Variants in DNAH1 observed in about 807,000 individuals in gnomAD.
DNAH1 encodes dynein axonemal heavy chain 1, also known as axonemal beta dynein heavy chain 1.
Under a neutral mutation model 484.3 loss-of-function variants are expected in DNAH1, and 327 were observed. The ratio of observed to expected loss-of-function variants is 0.68; its 90% CI spans 0.62 to 0.74. DNAH1 has a LOEUF of 0.74. Among genes scored for constraint, DNAH1 ranks in the 30% least tolerant of loss-of-function variants. The pLI is 0.00. For missense variants in DNAH1, 5,052 were observed against 5,546.8 expected (o/e 0.91, Z 2.83); for synonymous variants, 2,192 against 2,191.9 (o/e 1.00, Z 0.00).
chr3:52,391,498 A>G lies in DNAH1; in HGVS notation c.9947A>G (p.Tyr3316Cys). 1 of 1,613,566 alleles carries G rather than the reference A, an allele frequency of 6.2e-7. No homozygotes were observed. The highest frequency in any genetic ancestry group is 8.5e-7 in the Non-Finnish European group (1 of 1,179,710). The change falls in exon 63 of 78, where the codon TAC (tyrosine) becomes TGC (cysteine). Residue 3316 changes from tyrosine to cysteine, a missense_variant. Coordinates refer to ENST00000420323, the MANE Select transcript of DNAH1 (RefSeq NM_015512.5). ...AAGCTGGGGGACACGGTGATCCCCT[A>G]CCATGAGGACTTCAGGATGTACATC... ...VLKLGDTVIP[Y>C]HEDFRMYITT...
intron 44 of DNAH1, chr3:52,374,996 C>T (rs1468641020): frequency 3.9e-6 from 2 of 517,860 alleles, no homozygotes; most frequent in East Asian, 3.7e-5. Context: ...ATTTCACTAA[C>T]GTTGTATATG....
chr3:52,378,389 A>G (rs1000836954), intron 46 of DNAH1, among the ~76,000 whole-genome samples: 1 of 150,724 alleles, frequency 6.6e-6, no homozygotes, highest in African/African-American at 2.4e-5. Flanking sequence ...TGTCAGCATA[A>G]AGATATAAGG....
chr3:52,357,826 T>G, intron 23 of DNAH1, 72 bp from the exon 24 acceptor site: 1 of 1,580,992 alleles, frequency 6.3e-7, no homozygotes, highest in Non-Finnish European at 8.6e-7. Context: ...TGCGGGGATG[T>G]CAGCAGGACT....
intron 60 of DNAH1, 128 bp downstream of exon 60, chr3:52,389,714 TC>T: frequency 9.0e-7 from 1 of 1,114,814 alleles, no homozygotes; most frequent in Non-Finnish European, 1.1e-6. Flanking sequence ...TGCTGAACCC[TC>T]CTGTGCCCAG....
At chr3:52,312,102 G>C (rs1394133992), upstream of DNAH1, among the ~76,000 whole-genome samples, 1 of 152,230 alleles carries the variant, frequency 6.6e-6, no homozygotes, top group Non-Finnish European at 1.5e-5. Flanking sequence ...TAGCAGGGAA[G>C]GCCCTGGGCA....
Position 52,379,067 on chromosome 3 carries a change from G to A in DNAH1, c.7377+287G>A, listed in dbSNP as rs188533945. 5.6e-4 allele frequency among the ~76,000 whole-genome samples: 85 copies of A among 152,330 alleles called. No homozygotes were observed. The highest frequency in any genetic ancestry group is 1.9e-3 in the African/African-American group (78 of 41,576). On this transcript the variant is annotated intron_variant, in intron 47 of 77. Transcript: ENST00000420323. This position sits in a 1 kb window ranked among gnomAD's most constrained non-coding sequence, Gnocchi z 4.4. ...GGCCCTGCATGTGAGAACGCTTGAG[G>A]GACAGTGAGCAGGGTGCCCTCTGGG...
chr3:52,359,780 C>A, intron 26 of DNAH1, 136 bp from the exon 27 acceptor site: 1 of 1,183,714 alleles, frequency 8.4e-7, no homozygotes, highest in Non-Finnish European at 1.2e-6. Context: ...CCGGTCCCTG[C>A]TCCCCTCCCA....
At position 52,326,284 on chromosome 3, in the gene DNAH1, G is replaced by A. The variant is rs201444060; in HGVS notation, c.551G>A (p.Gly184Asp). The change falls in exon 4 of 78, where the codon GGC (glycine) becomes GAC (aspartate). Residue 184 changes from glycine (G) to aspartate (D), a missense_variant. Gly to Asp is a moderately conservative substitution (Grantham distance 94). Coordinates refer to ENST00000420323, the MANE Select transcript of DNAH1 (RefSeq NM_015512.5). ...CAGGTGCCTTTCCAGGTGCTGCCAG[G>A]CCAGCATCCTCGCAAGATTGAGATC... Reference protein sequence around the residue: ...KMQVPFQVLPGQHPRKIEIER... With the variant: ...KMQVPFQVLPDQHPRKIEIER... 11 of 1,610,406 alleles carry A rather than the reference G, an allele frequency of 6.8e-6. No homozygotes were observed. Among genetic ancestry groups the A allele is most frequent in the Non-Finnish European group, 7.6e-6 (9 of 1,179,798 alleles).
Position 52,349,293 on chromosome 3 carries a change from G to A in DNAH1, c.2399G>A (p.Ser800Asn). ...ATCCTGGACAGCTCGCTGCCCAGCA[G>A]CATCATCATTGGGCCTTTCTACATC... ...KEILDSSLPS[S>N]IIIGPFYINT... is the part of the protein sequence containing the mutation. The change falls in exon 14 of 78, where the codon AGC becomes AAC. Residue 800 changes from serine to asparagine, a missense_variant. Ser to Asn is a conservative substitution (Grantham distance 46). This residue lies in a region of DNAH1 where 1,263 missense variants were observed against 1,218.8 expected (regional missense o/e 1.04). Transcript: ENST00000420323. 1 of 1,614,026 alleles carries A rather than the reference G, an allele frequency of 6.2e-7. No homozygotes were observed. Among genetic ancestry groups the A allele is most frequent in the East Asian group, 2.2e-5 (1 of 44,884 alleles).
At chr3:52,356,465 A>G (rs1367998882) in intron 21 of DNAH1, 149 bp from the exon 22 acceptor site, 1 of 745,400 alleles carries the variant, frequency 1.3e-6, no homozygotes, top group Non-Finnish European at 2.2e-6. Context: ...TGACAGCACC[A>G]TCTAGAAATC....
At chr3:52,367,869 A>G (rs1703152469) in intron 36 of DNAH1, among the ~76,000 whole-genome samples, 1 of 152,242 alleles carries the variant, frequency 6.6e-6, no homozygotes, top group South Asian at 2.1e-4. Context: ...CACTGCACCC[A>G]GCCCTCAATG....
chr3:52,391,107 G>A, intron 61 of DNAH1, 53 bp downstream of exon 61: 2 of 1,603,728 alleles, frequency 1.2e-6, no homozygotes, highest in Non-Finnish European at 1.7e-6. Context: ...CATAGCAAGG[G>A]CAGTGGTGAG....
chr3:52,349,914 C>T (rs955400152), intron 14 of DNAH1, 75 bp from the exon 15 acceptor site: 3 of 1,526,144 alleles, frequency 2.0e-6, no homozygotes, highest in Admixed American at 2.0e-5. Flanking sequence ...ATGCTGGAGA[C>T]CAAGGAGGAA....
At chr3:52,346,351 C>T in intron 10 of DNAH1, 121 bp from the exon 11 acceptor site, 1 of 1,055,368 alleles carries the variant, frequency 9.5e-7, no homozygotes, top group Non-Finnish European at 1.3e-6. Flanking sequence ...TAGGGGACAT[C>T]CCTCCACAGT....
At position 52,383,487 on chromosome 3, in the gene DNAH1, C is replaced by T; in HGVS notation, c.8043C>T (p.Thr2681=). 2 of 1,613,934 alleles carry T rather than the reference C, an allele frequency of 1.2e-6. No homozygotes were observed. The highest frequency in any genetic ancestry group is 1.1e-5 in the South Asian group (1 of 91,048). The change falls in exon 51 of 78, where the codon ACC becomes ACT. Residue 2681 remains threonine, a synonymous_variant. Coordinates refer to ENST00000420323, the MANE Select transcript of DNAH1 (RefSeq NM_015512.5). ...ACGAGCAGGACCAGATCGTCAGCAC[C>T]ATGCGGCCCTATATCCAGGAGCAGG... ...TADEQDQIVS[T]MRPYIQEQGL...
Position 52,389,526 on chromosome 3 carries a change from C to G in DNAH1, c.9561C>G (p.His3187Gln). 6.3e-7 allele frequency: 1 copy of G among 1,588,062 alleles called. No homozygotes were observed. Among genetic ancestry groups the G allele is most frequent in the Non-Finnish European group, 8.6e-7 (1 of 1,167,508 alleles). Residue 3187 changes from histidine (H) to glutamine (Q), a missense_variant, in exon 60 of 78, where the codon CAC becomes CAG. Transcript: ENST00000420323. Reference protein sequence around the residue: ...VKQLRSHNVPHTSEPTLIGTL... With the variant: ...VKQLRSHNVPQTSEPTLIGTL... ...AGCTCAGGAGCCACAATGTCCCACA[C>G]ACCTCCGAGCCCACGCTAATCGGGA...
Position 52,332,189 on chromosome 3 carries a change from C to A in DNAH1, c.1081C>A (p.Leu361Ile). 1 of 1,597,432 alleles carries A rather than the reference C, an allele frequency of 6.3e-7. No individual in the cohort carries two copies. Among genetic ancestry groups the A allele is most frequent in the East Asian group, 2.3e-5 (1 of 44,044 alleles). ...VCQYWVPRIQ[L>I]LFCAEDPCMF... ...TCAGTACTGGGTGCCACGGATCCAGCTTCTCTTCTGCGCTGAGGACCCTTG... is the reference window on the plus strand; with the variant it reads ...TCAGTACTGGGTGCCACGGATCCAGATTCTCTTCTGCGCTGAGGACCCTTG... The change falls in exon 8 of 78, where the codon CTT (leucine) becomes ATT (isoleucine). Residue 361 changes from leucine to isoleucine, a missense_variant. Transcript: ENST00000420323.
At chr3:52,348,767 G>C in intron 12 of DNAH1, 121 bp from the exon 13 acceptor site, 1 of 1,068,450 alleles carries the variant, frequency 9.4e-7, no homozygotes, top group Non-Finnish European at 1.4e-6. Flanking sequence ...CCACCCTCTA[G>C]GCTTCAGGCC....
At chr3:52,339,258 C>T (rs1701842666) in intron 8 of DNAH1, among the ~76,000 whole-genome samples, 1 of 151,102 alleles carries the variant, frequency 6.6e-6, no homozygotes, top group Non-Finnish European at 1.5e-5. Flanking sequence ...CTTTTACTTC[C>T]TTTATTTTCT....
Sources: gnomAD v4.1 joint callset for allele counts (sites outside exome capture counted in the v4.1 genomes callset) on GRCh38, gnomAD v4.1.1 for gene constraint, gnomAD v4.1.1 regional missense constraint, Gnocchi (gnomAD v3.1) non-coding constraint, MANE v1.5 for transcripts, NCBI Gene and HGNC (gene_info 2026-07-23, HGNC 2026-07-21) for gene names.